Variants in CNIH2 observed in about 807,000 individuals in gnomAD.
The protein encoded by CNIH2 is cornichon family AMPA receptor auxiliary protein 2, also known as protein cornichon homolog 2.
Under a neutral mutation model 22.9 loss-of-function variants are expected in CNIH2, and 8 were observed. The ratio of observed to expected loss-of-function variants is 0.35; its 90% CI spans 0.20 to 0.63. The LOEUF is 0.63. CNIH2 is among the 30% of genes least tolerant of loss of function. CNIH2 has a pLI of 0.72. For missense variants in CNIH2, 105 were observed against 206.2 expected, an observed-to-expected ratio of 0.51 and a Z score of 3.01; for synonymous variants, 74 against 78.2, an observed-to-expected ratio of 0.95 and a Z score of 0.28.
At chr11:66,281,289 G>A (rs1337946989) in intron 1 of CNIH2, 17 of 437,550 alleles carry the variant, frequency 3.9e-5, no homozygotes, top group South Asian at 1.6e-4. Context: ...CTAACCAGCC[G>A]TGTGGCCCTG....
Position 66,283,390 on chromosome 11 carries a change from A to G in CNIH2, c.454A>G (p.Ser152Gly). ...GCTCTCCTTCTTCTATTACCTGTAC[A>G]GGTGAGGCCTTGCCCACAGCAGTCA... ...YLLSFFYYLY[S>G]MVYTLVSF The change falls in exon 5 of 6, where the codon AGT becomes GGT. Residue 152 changes from serine (S) to glycine (G), a missense_variant and splice_region_variant. Physicochemically the swap from Ser to Gly is moderately conservative, Grantham distance 56. Transcript: ENST00000311445. The G allele has an allele frequency of 6.2e-7, 1 of 1,614,160 alleles. No homozygotes were observed. Among genetic ancestry groups the G allele is most frequent in the East Asian group, 2.2e-5 (1 of 44,890 alleles).
At chr11:66,282,600 T>C (rs1590892328) in intron 2 of CNIH2, 133 bp from the exon 3 acceptor site, 9 of 1,106,544 alleles carry the variant, frequency 8.1e-6, no homozygotes, top group Non-Finnish European at 1.2e-5. Flanking sequence ...ACGGCGCGGC[T>C]GCTTCCCGGC....
intron 5 of CNIH2, 72 bp from the exon 6 acceptor site, chr11:66,283,498 G>A: frequency 3.7e-6 from 6 of 1,608,430 alleles, no homozygotes; most frequent in Non-Finnish European, 4.3e-6. Flanking sequence ...GGGCAGCCCA[G>A]GGTGTGACCA....
Position 66,283,949 on chromosome 11 carries a change from T to C in CNIH2, c.*352T>C, listed in dbSNP as rs1857305993. On this transcript the variant is annotated 3_prime_UTR_variant, in exon 6 of 6. Transcript: ENST00000311445. ...GCTTGACCCTGGAAATTCTGGGCCA[T>C]CCCCCTCCACCCCCACCCTGAGGCT... The C allele has an allele frequency of 2.8e-5, 7 of 251,298 alleles. No homozygotes were observed. The highest frequency in any genetic ancestry group is 1.1e-4 in the South Asian group (2 of 17,600). 15.6% of individuals were successfully genotyped at this position (251,298 alleles called of 1,614,324 possible).
Position 66,283,987 on chromosome 11 carries a change from G to C in CNIH2, c.*390G>C, listed in dbSNP as rs1021436496. 1 of 225,256 alleles carries C rather than the reference G, an allele frequency of 4.4e-6. No individual in the cohort carries two copies. The highest frequency in any genetic ancestry group is 9.0e-6 in the Non-Finnish European group (1 of 111,192). 14.0% of individuals were successfully genotyped at this position (225,256 alleles called of 1,614,324 possible). ...CCACCCTGAGGCTCCCCCTGCAGGTGGGGGGGTACCCGCACCGGGAATGAG... is the reference window on the plus strand; with the variant it reads ...CCACCCTGAGGCTCCCCCTGCAGGTCGGGGGGTACCCGCACCGGGAATGAG... On this transcript the variant is annotated 3_prime_UTR_variant, in exon 6 of 6. Transcript: ENST00000311445.
At chr11:66,278,673 C>T (rs1326335521) in intron 1 of CNIH2, 136 bp downstream of exon 1, 5 of 480,372 alleles carry the variant, frequency 1.0e-5, no homozygotes, top group Non-Finnish European at 1.6e-5. Flanking sequence ...GTCGGCTTCG[C>T]CCCCATTAAC....
Position 66,281,406 on chromosome 11 carries a change from A to C in CNIH2, c.82-853A>C, listed in dbSNP as rs114689636. 854 of 456,338 alleles carry C rather than the reference A, an allele frequency of 1.9e-3. 6 individuals are homozygous for C. Among genetic ancestry groups the C allele is most frequent in the African/African-American group, 0.015 (777 of 50,220 alleles). 28.3% of individuals were successfully genotyped at this position (456,338 alleles called of 1,614,324 possible). On this transcript the variant is annotated intron_variant, in intron 1 of 5. Transcript: ENST00000311445. ...TTAAGAATTAAATGAGTGAATCCAC[A>C]TACCGGCCAGGAGAAGCACCACTTA...
chr11:66,279,432 T>C (rs1408112463), intron 1 of CNIH2, among the ~76,000 whole-genome samples: 2 of 152,058 alleles, frequency 1.3e-5, no homozygotes, highest in South Asian at 4.1e-4. Context: ...GGCCCCACTT[T>C]ACTGCCCTCC....
rs534389711 is a variant in CNIH2 at position 66,282,118 on chromosome 11, T to C, written c.82-141T>C. 6.8e-6 allele frequency: 5 copies of C among 735,666 alleles called. No individual in the cohort carries two copies. The African/African-American group carries it at 8.6e-5, about 13-fold the overall frequency. The allele number at this position is 735,666 out of a possible 1,614,324, so 45.6% of individuals were successfully genotyped here. A position where few individuals can be genotyped will look rare whatever the true frequency, so the allele number is the denominator to read the frequency against. On this transcript the variant is annotated intron_variant, in intron 1 of 5. Coordinates refer to ENST00000311445, the MANE Select transcript of CNIH2 (RefSeq NM_182553.3). ...GTAATGACCTTGGACCAGGCCCTGC[T>C]CCTCCCTGGACCTCGGTTTCTCCAC...
intron 1 of CNIH2, chr11:66,281,491 G>A (rs770770033): frequency 9.0e-5 from 41 of 456,220 alleles, no homozygotes; most frequent in Non-Finnish European, 1.5e-4. Flanking sequence ...CTGAGACATG[G>A]ACCAATCCTA....
Position 66,282,362 on chromosome 11 carries a change from GTCC to G in CNIH2, c.150+36_150+38del, listed in dbSNP as rs1225683554. On this transcript the variant is annotated intron_variant, in intron 2 of 5. Coordinates refer to ENST00000311445, the MANE Select transcript of CNIH2 (RefSeq NM_182553.3). ...ACATGTGCTGTGCCGAGGTGTGTCC[GTCC>G]GTCTGTCTTTCCATCTGTCGTGGGC... 14 of 1,595,966 alleles carry G rather than the reference GTCC, an allele frequency of 8.8e-6. No individual in the cohort carries two copies. In the South Asian group the frequency reaches 1.4e-4, roughly 16 times the overall value.
chr11:66,278,917 C>CA lies in CNIH2; in HGVS notation c.81+380_81+381insA, dbSNP rs1424974316. On this transcript the variant is annotated intron_variant, in intron 1 of 5. Coordinates refer to ENST00000311445, the MANE Select transcript of CNIH2 (RefSeq NM_182553.3). Reference sequence around the variant, plus strand: ...GTCGGGCAGTTTGTCTGTCTGCTGCCCCCCCCCCCCCGCCTTTGTGGGTTT... The same window carrying CA: ...GTCGGGCAGTTTGTCTGTCTGCTGCCACCCCCCCCCCCGCCTTTGTGGGTTT... 1.5e-4 allele frequency among the ~76,000 whole-genome samples: 8 copies of CA among 53,610 alleles called. No homozygotes were observed. In the East Asian group the frequency reaches 6.0e-3, roughly 40 times the overall value. The allele number at this position is 53,610 out of a possible 152,430, so 35.2% of individuals were successfully genotyped here. A position where few individuals can be genotyped will look rare whatever the true frequency, so the allele number is the denominator to read the frequency against.
rs1857301860 is a variant in CNIH2 at position 66,283,756 on chromosome 11, C to CA, written c.*160dup. ...AACTGCTGCTGCGGGGAACCCCCCC[C>CA]ACCCCGCCTTCAGAGCCCTCCCCCT... On this transcript the variant is annotated 3_prime_UTR_variant, in exon 6 of 6. Transcript: ENST00000311445. 23 of 740,324 alleles carry CA rather than the reference C, an allele frequency of 3.1e-5. No homozygotes were observed. In the East Asian group the frequency reaches 6.0e-4, roughly 19 times the overall value. The allele number at this position is 740,324 out of a possible 1,614,324, so 45.9% of individuals were successfully genotyped here.
In CNIH2 at chr11:66,284,095, C is replaced by T; in HGVS notation, c.*498C>T. ...CTTTCTCCAGCCCTGTCTCCATCTG[C>T]CCCAACCTCAGCCCACCTTGTCTCT... On this transcript the variant is annotated 3_prime_UTR_variant, in exon 6 of 6. Transcript: ENST00000311445. 1 of 178,088 alleles carries T rather than the reference C, an allele frequency of 5.6e-6. No homozygotes were observed. Among genetic ancestry groups the T allele is most frequent in the South Asian group, 1.2e-4 (1 of 8,580 alleles). The allele number at this position is 178,088 out of a possible 1,614,324, so 11.0% of individuals were successfully genotyped here. A position where few individuals can be genotyped will look rare whatever the true frequency, so the allele number is the denominator to read the frequency against.
Position 66,283,965 on chromosome 11 carries a change from C to G in CNIH2, c.*368C>G, listed in dbSNP as rs996611244. 1 of 239,138 alleles carries G rather than the reference C, an allele frequency of 4.2e-6. No homozygotes were observed. The highest frequency in any genetic ancestry group is 5.9e-5 in the South Asian group (1 of 17,040). 14.8% of individuals were successfully genotyped at this position (239,138 alleles called of 1,614,324 possible). A position where few individuals can be genotyped will look rare whatever the true frequency, so the allele number is the denominator to read the frequency against. ...TCTGGGCCATCCCCCTCCACCCCCACCCTGAGGCTCCCCCTGCAGGTGGGG... is the reference window on the plus strand; with the variant it reads ...TCTGGGCCATCCCCCTCCACCCCCAGCCTGAGGCTCCCCCTGCAGGTGGGG... On this transcript the variant is annotated 3_prime_UTR_variant, in exon 6 of 6. Transcript: ENST00000311445.
intron 1 of CNIH2, among the ~76,000 whole-genome samples, chr11:66,279,235 G>T (rs1299828986): frequency 3.3e-5 from 5 of 150,408 alleles, no homozygotes; most frequent in Non-Finnish European, 7.4e-5. Context: ...TCTGTCCCTC[G>T]CCCTGGCCTA....
Position 66,282,726 on chromosome 11 carries a change from CCA to C in CNIH2, c.151-6_151-5del. The C allele has an allele frequency of 6.2e-7, 1 of 1,613,742 alleles. No homozygotes were observed. The highest frequency in any genetic ancestry group is 8.5e-7 in the Non-Finnish European group (1 of 1,179,958). On this transcript the variant is annotated splice_polypyrimidine_tract_variant and splice_region_variant and intron_variant, in intron 2 of 5. Coordinates refer to ENST00000311445, the MANE Select transcript of CNIH2 (RefSeq NM_182553.3). Reference sequence around the variant, plus strand: ...ACCCCATCGCGGCCTTTTCCTTCCCCCAACAGCGCGAGCGTTTAAAAAACATC... The same window carrying C: ...ACCCCATCGCGGCCTTTTCCTTCCCCACAGCGCGAGCGTTTAAAAAACATC...
chr11:66,279,518 G>A (rs1174258922), intron 1 of CNIH2, among the ~76,000 whole-genome samples: 1 of 145,112 alleles, frequency 6.9e-6, no homozygotes, highest in African/African-American at 2.6e-5. Flanking sequence ...GCTCAGCTCA[G>A]CATCCTCTGC....
chr11:66,281,008 C>A (rs1033754421), intron 1 of CNIH2, among the ~76,000 whole-genome samples: 1 of 152,176 alleles, frequency 6.6e-6, no homozygotes, highest in Non-Finnish European at 1.5e-5. Flanking sequence ...AGTTTCCACC[C>A]GTGAGGACAC....
Sources: allele counts gnomAD v4.1 joint callset (sites outside exome capture counted in the v4.1 genomes callset), GRCh38; gene constraint gnomAD v4.1.1; transcripts MANE v1.5; gene names NCBI Gene and HGNC (gene_info 2026-07-23, HGNC 2026-07-21).